The following ME1 variants were observed in gnomAD, a reference collection of about 807,000 sequenced individuals.
ME1 encodes the protein malic enzyme 1.
In ME1, 74 loss-of-function variants were observed where a neutral mutation model predicts 66.4. That is an observed-to-expected ratio of 1.11 (90% confidence interval 0.92 to 1.35). ME1 has a LOEUF of 1.35. ME1 is among the 40% of genes most tolerant of loss of function. The probability of loss-of-function intolerance (pLI) is 0.00; values close to 1 mark genes in which losing one functional copy is unlikely to be tolerated. For synonymous variants in ME1, 251 were observed against 235.6 expected (o/e 1.07, Z -0.60); for missense variants, 750 against 694.1 (o/e 1.08, Z -0.90).
In ME1 at chr6:83,407,787, G is replaced by T. The variant is rs1769974310; in HGVS notation, c.193C>A (p.Leu65Met). 6.2e-7 allele frequency: 1 copy of T among 1,607,908 alleles called. No homozygotes were observed. The highest frequency in any genetic ancestry group is 1.3e-5 in the African/African-American group (1 of 74,542). The change falls in exon 2 of 14, where the codon CTG becomes ATG. Residue 65 changes from leucine to methionine, a missense_variant. Leu to Met is a conservative substitution (Grantham distance 15, BLOSUM62 2). Transcript: ENST00000369705. Reference sequence around the variant, plus strand: ...TGTTACCTGTCAAAGTCAGAGTTCAGATGCTCGAAATTTTTTACTACTCTA... The same window carrying T: ...TGTTACCTGTCAAAGTCAGAGTTCATATGCTCGAAATTTTTTACTACTCTA... ...VLRVVKNFEH[L>M]NSDFDRYLLL...
intron 3 of ME1, among the ~76,000 whole-genome samples, chr6:83,372,164 C>T (rs553441751): frequency 2.0e-5 from 3 of 152,276 alleles, no homozygotes; most frequent in East Asian, 1.9e-4. Flanking sequence ...TTTGACACTT[C>T]TCCCGTAGAG....
intron 11 of ME1, among the ~76,000 whole-genome samples, chr6:83,226,728 T>A (rs78436348): frequency 0.019 from 2,900 of 152,268 alleles, 89 homozygotes; most frequent in African/African-American, 0.067. Context: ...TAGATAGATA[T>A]GACTCAACCT....
At chr6:83,300,788 G>A (rs1767700739) in intron 6 of ME1, among the ~76,000 whole-genome samples, 1 of 151,582 alleles carries the variant, frequency 6.6e-6, no homozygotes, top group Non-Finnish European at 1.5e-5. Context: ...CAAAGACTTG[G>A]AACCAACCCA....
At chr6:83,255,809 CACTT>C (rs931046944) in intron 6 of ME1, among the ~76,000 whole-genome samples, 1 of 152,056 alleles carries the variant, frequency 6.6e-6, no homozygotes, top group East Asian at 1.9e-4. Context: ...TACACACACA[CACTT>C]ACTCTTCACA....
intron 2 of ME1, among the ~76,000 whole-genome samples, chr6:83,401,430 T>C (rs1040040023): frequency 2.6e-5 from 4 of 152,160 alleles, no homozygotes; most frequent in Admixed American, 6.5e-5. Flanking sequence ...TGACACTGAA[T>C]TGATGTTCAA....
chr6:83,234,053 A>G (rs1366130273), intron 9 of ME1, among the ~76,000 whole-genome samples: 1 of 152,164 alleles, frequency 6.6e-6, no homozygotes, highest in Non-Finnish European at 1.5e-5. Flanking sequence ...GAAGTAAGAG[A>G]GACTGACTAG....
At chr6:83,259,186 T>A (rs1002391021) in intron 6 of ME1, among the ~76,000 whole-genome samples, 1 of 152,188 alleles carries the variant, frequency 6.6e-6, no homozygotes, top group African/African-American at 2.4e-5. Context: ...TTAGCTCTGA[T>A]GAGTACCTTA....
intron 3 of ME1, among the ~76,000 whole-genome samples, chr6:83,359,943 A>G (rs764630127): frequency 6.6e-6 from 1 of 152,216 alleles, no homozygotes; most frequent in Non-Finnish European, 1.5e-5. Flanking sequence ...AGGTGGGTGG[A>G]GCTACCGTAA....
chr6:83,413,524 C>T (rs1043746569), intron 1 of ME1, among the ~76,000 whole-genome samples: 1 of 151,646 alleles, frequency 6.6e-6, no homozygotes. Context: ...AATTTTAATG[C>T]TAATTTGGGG....
chr6:83,332,867 T>C (rs1176120916), intron 5 of ME1, among the ~76,000 whole-genome samples: 1 of 152,092 alleles, frequency 6.6e-6, no homozygotes, highest in East Asian at 1.9e-4. Flanking sequence ...AATTCATCCG[T>C]GTAACCAAAA....
chr6:83,239,543 C>A lies in ME1; in HGVS notation c.908G>T (p.Gly303Val). Residue 303 changes from glycine to valine, a missense_variant, in exon 8 of 14, where the codon GGA (glycine) becomes GTA (valine). Transcript: ENST00000369705. The part of the protein sequence containing the change: ...SDQTILFQGA[G>V]EAALGIAHLI... ...AGTATTACACAAGGCAAATACCTCT[C>A]CAGCTCCTTGGAATAGTATTGTTTG... The A allele has an allele frequency of 6.2e-7, 1 of 1,609,694 alleles. No homozygotes were observed. The highest frequency in any genetic ancestry group is 1.1e-5 in the South Asian group (1 of 90,822).
intron 6 of ME1, among the ~76,000 whole-genome samples, chr6:83,290,334 T>C (rs1323104262): frequency 1.3e-5 from 2 of 152,186 alleles, no homozygotes; most frequent in Non-Finnish European, 2.9e-5. Context: ...TGTGTCTTTG[T>C]TCTAGTTGGT....
In ME1 at chr6:83,282,464, A is replaced by G. The variant is rs186237653; in HGVS notation, c.705-28726T>C. ...AAAAGTGGGTGAAGGATATGAACAGACACTTCTCAAAAGAAGACATTTATG... is the reference window on the plus strand; with the variant it reads ...AAAAGTGGGTGAAGGATATGAACAGGCACTTCTCAAAAGAAGACATTTATG... On this transcript the variant is annotated intron_variant, in intron 6 of 13. Coordinates refer to ENST00000369705, the MANE Select transcript of ME1 (RefSeq NM_002395.6). 1.1e-3 allele frequency among the ~76,000 whole-genome samples: 170 copies of G among 152,350 alleles called. 1 individual carries two copies. The highest frequency in any genetic ancestry group is 2.0e-3 in the Non-Finnish European group (135 of 68,030).
chr6:83,376,812 A>G (rs1159280002), intron 3 of ME1, among the ~76,000 whole-genome samples: 3 of 151,286 alleles, frequency 2.0e-5, no homozygotes, highest in Non-Finnish European at 2.9e-5. Flanking sequence ...CACAAAAAAA[A>G]AAAAAAAATT....
At chr6:83,297,599 A>ATTTTAT (rs10651179) in intron 6 of ME1, among the ~76,000 whole-genome samples, 71,611 of 151,306 alleles carry the variant, frequency 0.47, 18,564 homozygotes, top group African/African-American at 0.7. Context: ...TTTAAATATT[A>ATTTTAT]TTTAAGTTCC....
chr6:83,213,630 G>A (rs1789941019), intron 13 of ME1, among the ~76,000 whole-genome samples: 1 of 152,032 alleles, frequency 6.6e-6, no homozygotes, highest in Non-Finnish European at 1.5e-5. Context: ...GCCTCCCGAA[G>A]TGCTGGGATT....
intron 6 of ME1, among the ~76,000 whole-genome samples, chr6:83,308,661 T>C (rs941675626): frequency 6.6e-6 from 1 of 151,238 alleles, no homozygotes; most frequent in African/African-American, 2.4e-5. Context: ...TTAACAAATA[T>C]TTATTGAGTA....
chr6:83,367,598 T>C (rs1769123514), intron 3 of ME1, among the ~76,000 whole-genome samples: 1 of 152,246 alleles, frequency 6.6e-6, no homozygotes, highest in Admixed American at 6.5e-5. Context: ...GTTATAAAGA[T>C]GGCTTCTTTC....
Position 83,431,028 on chromosome 6 carries a change from G to GTCAGCACCGTCACCCCAGCA in ME1, c.-75_-74insTGCTGGGGTGACGGTGCTGA. ...CGCGGTGCAGGCGGCGGATGCTGCT[G>GTCAGCACCGTCACCCCAGCA]GGGTGACGGTGCTGACTGCAGCTGT... On this transcript the variant is annotated 5_prime_UTR_variant, in exon 1 of 14. Coordinates refer to ENST00000369705, the MANE Select transcript of ME1 (RefSeq NM_002395.6). 1 of 976,512 alleles carries GTCAGCACCGTCACCCCAGCA rather than the reference G, an allele frequency of 1.0e-6. No homozygotes were observed. The highest frequency in any genetic ancestry group is 1.4e-6 in the Non-Finnish European group (1 of 703,974). 60.5% of individuals were successfully genotyped at this position (976,512 alleles called of 1,614,324 possible).
Sources: allele counts gnomAD v4.1 joint callset (sites outside exome capture counted in the v4.1 genomes callset), GRCh38; gene constraint gnomAD v4.1.1; transcripts MANE v1.5; gene names NCBI Gene and HGNC (gene_info 2026-07-23, HGNC 2026-07-21).